PCDH15: variants seen among roughly 807,000 people sequenced by gnomAD.
The protein encoded by PCDH15 is protocadherin related 15.
A neutral mutation model predicts 178.5 loss-of-function variants in PCDH15; 129 were observed. The ratio of observed to expected loss-of-function variants is 0.72; its 90% CI spans 0.63 to 0.84. PCDH15 has a LOEUF of 0.84. Among genes scored for constraint, PCDH15 ranks in the 40% least tolerant of loss-of-function variants. The pLI is 0.00. For synonymous variants in PCDH15, 800 were observed against 732.0 expected, an observed-to-expected ratio of 1.09 and a Z score of -1.50; for missense variants, 2,230 against 2,099.9, an observed-to-expected ratio of 1.06 and a Z score of -1.21.
chr10:55,025,655 T>C (rs976612502), intron 2 of PCDH15, among the ~76,000 whole-genome samples: 2 of 152,034 alleles, frequency 1.3e-5, no homozygotes, highest in Non-Finnish European at 2.9e-5. Flanking sequence ...TTATAAAATA[T>C]ATATTTTATC....
chr10:54,557,088 C>G (rs2087383363), intron 2 of PCDH15, among the ~76,000 whole-genome samples: 1 of 152,092 alleles, frequency 6.6e-6, no homozygotes, highest in Non-Finnish European at 1.5e-5. Flanking sequence ...TGGCAAAAGG[C>G]TACTCACCTT....
chr10:54,211,978 C>T (rs966948), intron 10 of PCDH15, among the ~76,000 whole-genome samples: 108,723 of 151,392 alleles, frequency 0.72, 40,225 homozygotes, highest in African/African-American at 0.81. Flanking sequence ...AAAGAAAGTG[C>T]TATTAAAACA....
intron 18 of PCDH15, among the ~76,000 whole-genome samples, chr10:54,046,551 G>T (rs1299514479): frequency 6.6e-6 from 1 of 152,000 alleles, no homozygotes; most frequent in Non-Finnish European, 1.5e-5. Flanking sequence ...CTGTTTACAG[G>T]CTTCGAAAAA....
intron 20 of PCDH15, among the ~76,000 whole-genome samples, chr10:53,996,758 T>A (rs1319278550): frequency 6.6e-6 from 1 of 152,308 alleles, no homozygotes; most frequent in Admixed American, 6.5e-5. Context: ...CAGATTTATT[T>A]ATTTATAATA....
At chr10:54,001,056 C>CA (rs34320579) in intron 20 of PCDH15, among the ~76,000 whole-genome samples, 1 of 151,766 alleles carries the variant, frequency 6.6e-6, no homozygotes, top group Non-Finnish European at 1.5e-5. Context: ...TGCTGAAGGA[C>CA]AAAAAAAATT....
intron 1 of PCDH15, among the ~76,000 whole-genome samples, chr10:55,191,113 A>AT (rs896916544): frequency 1.1e-4 from 16 of 151,470 alleles, no homozygotes; most frequent in Admixed American, 4.6e-4. Flanking sequence ...AAAAATATGG[A>AT]TTTTTTTTGG....
chr10:54,847,729 G>A (rs971235094), intron 3 of PCDH15, among the ~76,000 whole-genome samples: 4 of 152,082 alleles, frequency 2.6e-5, no homozygotes, highest in East Asian at 3.9e-4. Flanking sequence ...ATATGAGAAG[G>A]GTGTGGTTGA....
chr10:53,991,089 C>T (rs1193613985), intron 21 of PCDH15, among the ~76,000 whole-genome samples: 2 of 152,146 alleles, frequency 1.3e-5, no homozygotes, highest in African/African-American at 2.4e-5. Context: ...TGGCCGAACC[C>T]CCCCCACCCC....
intron 20 of PCDH15, among the ~76,000 whole-genome samples, chr10:54,001,040 T>G (rs1442680010): frequency 9.1e-6 from 1 of 109,890 alleles, no homozygotes; most frequent in Admixed American, 9.2e-5. Context: ...CATGTCATAC[T>G]TAAAGTGCTG....
At chr10:55,063,592 T>A (rs1285605741) in intron 2 of PCDH15, among the ~76,000 whole-genome samples, 9 of 152,178 alleles carry the variant, frequency 5.9e-5, no homozygotes, top group Non-Finnish European at 1.0e-4. Flanking sequence ...TATGTGTGCA[T>A]GTTTGTATGT....
intron 2 of PCDH15, among the ~76,000 whole-genome samples, chr10:55,405,216 A>G (rs1221184222): frequency 2.0e-5 from 3 of 149,952 alleles, no homozygotes; most frequent in Non-Finnish European, 4.5e-5. Flanking sequence ...ATGAATATAA[A>G]TATATCTATG....
intron 2 of PCDH15, among the ~76,000 whole-genome samples, chr10:54,930,143 C>T (rs1837735401): frequency 6.6e-6 from 1 of 152,116 alleles, no homozygotes; most frequent in Non-Finnish European, 1.5e-5. Context: ...CCTTGCCAAC[C>T]ACGTGTACAG....
chr10:54,666,936 A>T (rs1022072636), intron 1 of PCDH15, among the ~76,000 whole-genome samples: 2 of 152,008 alleles, frequency 1.3e-5, no homozygotes, highest in African/African-American at 4.8e-5. Flanking sequence ...AACATGATGG[A>T]TCATTATTTT....
chr10:54,229,250 A>G (rs2053800483), intron 9 of PCDH15, among the ~76,000 whole-genome samples: 1 of 152,222 alleles, frequency 6.6e-6, no homozygotes, highest in Non-Finnish European at 1.5e-5. Flanking sequence ...ATTTTGATGT[A>G]ATTAATACAA....
chr10:54,325,998 A>G (rs1301537597), intron 7 of PCDH15, among the ~76,000 whole-genome samples: 3 of 152,324 alleles, frequency 2.0e-5, no homozygotes, highest in Middle Eastern at 3.4e-3. Flanking sequence ...ATTATCATAT[A>G]CAAACAAAGA....
intron 24 of PCDH15, 117 bp downstream of exon 24, chr10:53,940,749 T>A: frequency 1.3e-6 from 1 of 790,948 alleles, no homozygotes; most frequent in East Asian, 2.7e-5. Context: ...ACATTTAAGA[T>A]GGGCACAATT....
intron 2 of PCDH15, among the ~76,000 whole-genome samples, chr10:54,575,753 G>A (rs912805983): frequency 1.1e-4 from 16 of 152,138 alleles, no homozygotes; most frequent in African/African-American, 3.6e-4. Flanking sequence ...CAAGTCAACT[G>A]CTTTCTTAAA....
chr10:53,830,270 C>T (rs12764366), intron 30 of PCDH15, among the ~76,000 whole-genome samples: 2 of 151,006 alleles, frequency 1.3e-5, no homozygotes, highest in African/African-American at 4.9e-5. Flanking sequence ...CCACTGCACT[C>T]CAGCCTGGGC....
intron 3 of PCDH15, among the ~76,000 whole-genome samples, chr10:54,494,872 G>T (rs1347122357): frequency 6.6e-6 from 1 of 151,960 alleles, no homozygotes; most frequent in Non-Finnish European, 1.5e-5. Context: ...GTCTTGGTGG[G>T]GTTGAATCCA....
Sources: allele counts gnomAD v4.1 joint callset (sites outside exome capture counted in the v4.1 genomes callset), GRCh38; gene constraint gnomAD v4.1.1; transcripts MANE v1.5; gene names NCBI Gene and HGNC (gene_info 2026-07-23, HGNC 2026-07-21).